Variants in SLC30A7 observed in about 807,000 individuals in gnomAD.
The protein encoded by SLC30A7 is solute carrier family 30 member 7.
A neutral mutation model predicts 46.0 loss-of-function variants in SLC30A7; 35 were observed. The observed-to-expected ratio is 0.76, with a 90% CI of 0.58 to 1.01. The LOEUF is 1.01. SLC30A7 is among the 50% of genes least tolerant of loss of function. The pLI is 0.00. For missense variants in SLC30A7, 464 were observed against 451.1 expected, an observed-to-expected ratio of 1.03 and a Z score of -0.26; for synonymous variants, 147 against 157.8, an observed-to-expected ratio of 0.93 and a Z score of 0.51.
At chr1:100,949,870 A>G (rs956054591) in intron 8 of SLC30A7, among the ~76,000 whole-genome samples, 7 of 152,212 alleles carry the variant, frequency 4.6e-5, no homozygotes, top group African/African-American at 1.7e-4. Context: ...CCATGGGAAA[A>G]GTGCAGTATG....
chr1:100,966,637 G>A (rs1655894374), intron 10 of SLC30A7, among the ~76,000 whole-genome samples: 1 of 152,078 alleles, frequency 6.6e-6, no homozygotes, highest in Admixed American at 6.6e-5. Flanking sequence ...ACAGAGTCAA[G>A]TTTGGGAAAT....
intron 8 of SLC30A7, among the ~76,000 whole-genome samples, chr1:100,959,461 G>A (rs915860480): frequency 1.3e-5 from 2 of 152,170 alleles, no homozygotes; most frequent in Admixed American, 6.5e-5. Context: ...GGTAGCAGCC[G>A]GGGCTGCAGT....
downstream of SLC30A7, among the ~76,000 whole-genome samples, chr1:100,983,385 A>C (rs1171840782): frequency 1.3e-4 from 19 of 145,760 alleles, no homozygotes; most frequent in Non-Finnish European, 2.8e-4. Context: ...CAAAAAAAAA[A>C]AAAAACAAAA....
chr1:100,984,880 G>A (rs1034834139), downstream of SLC30A7, among the ~76,000 whole-genome samples: 1 of 152,100 alleles, frequency 6.6e-6, no homozygotes, highest in Admixed American at 6.6e-5. Flanking sequence ...ATGCTCAAGC[G>A]AGCAATACAA....
chr1:100,910,953 C>G, intron 3 of SLC30A7, 110 bp from the exon 4 acceptor site: 1 of 778,474 alleles, frequency 1.3e-6, no homozygotes, highest in Non-Finnish European at 2.1e-6. Context: ...GCTTCGCTGG[C>G]CACTTATAAC....
At chr1:100,914,331 C>G (rs1023613064) in intron 6 of SLC30A7, among the ~76,000 whole-genome samples, 1 of 152,162 alleles carries the variant, frequency 6.6e-6, no homozygotes, top group Non-Finnish European at 1.5e-5. Context: ...TTAACCGTCC[C>G]CCTTTCCCTC....
At position 100,896,229 on chromosome 1, in the gene SLC30A7, G is replaced by A; in HGVS notation, c.-34G>A. ...TCACCCCACGGAGCCACTTCTAGAG[G>A]GGAGTAGACCCGGCCCTTCGCCGGG... is the stretch of plus-strand genomic sequence containing the variant. On this transcript the variant is annotated 5_prime_UTR_variant, in exon 1 of 11. Coordinates refer to ENST00000357650, the MANE Select transcript of SLC30A7 (RefSeq NM_133496.5). The A allele has an allele frequency of 6.2e-7, 1 of 1,604,456 alleles. No individual in the cohort carries two copies. The highest frequency in any genetic ancestry group is 1.7e-5 in the Admixed American group (1 of 60,016).
At chr1:100,987,986 G>A in the SLC30A7 span, among the ~76,000 whole-genome samples, 6 of 152,160 alleles carry the variant, frequency 3.9e-5, no homozygotes, top group Non-Finnish European at 7.3e-5. Flanking sequence ...ATTCAAACTT[G>A]AAACTGTGTC....
At chr1:100,943,399 G>C (rs1391604850) in intron 8 of SLC30A7, among the ~76,000 whole-genome samples, 1 of 151,034 alleles carries the variant, frequency 6.6e-6, no homozygotes, top group South Asian at 2.1e-4. Context: ...GTCATTTCTA[G>C]GTGAGCCACA....
intron 5 of SLC30A7, 68 bp from the exon 6 acceptor site, chr1:100,913,595 C>A: frequency 1.8e-6 from 2 of 1,114,064 alleles, no homozygotes; most frequent in South Asian, 1.4e-5. Context: ...GCGCTAGTGT[C>A]AGTATAATTG....
At chr1:100,936,333 C>T (rs948836289) in intron 8 of SLC30A7, among the ~76,000 whole-genome samples, 2 of 152,248 alleles carry the variant, frequency 1.3e-5, no homozygotes, top group African/African-American at 4.8e-5. Flanking sequence ...CTATTCTAAA[C>T]ATCTTTCAGA....
At chr1:100,988,562 G>T in the SLC30A7 span, among the ~76,000 whole-genome samples, 1 of 152,128 alleles carries the variant, frequency 6.6e-6, no homozygotes, top group African/African-American at 2.4e-5. Flanking sequence ...GATTGAAAAT[G>T]AGGCCAGGCA....
intron 10 of SLC30A7, among the ~76,000 whole-genome samples, chr1:100,974,075 G>C (rs1656317649): frequency 6.6e-6 from 1 of 152,128 alleles, no homozygotes; most frequent in Non-Finnish European, 1.5e-5. Flanking sequence ...GTAGGGTTAA[G>C]TAAAGATTTT....
At chr1:100,939,600 G>T (rs144952946) in intron 8 of SLC30A7, among the ~76,000 whole-genome samples, 18,293 of 151,784 alleles carry the variant, frequency 0.12, 1,328 homozygotes, top group Non-Finnish European at 0.17. Context: ...ACTTTGGGAG[G>T]CCAGGGTGGG....
intron 8 of SLC30A7, among the ~76,000 whole-genome samples, chr1:100,943,861 T>C (rs1654481915): frequency 6.6e-6 from 1 of 152,214 alleles, no homozygotes; most frequent in Non-Finnish European, 1.5e-5. Flanking sequence ...GCACATGATA[T>C]ATAGGTTTAT....
At chr1:100,944,070 G>A (rs970045934) in intron 8 of SLC30A7, among the ~76,000 whole-genome samples, 13 of 151,998 alleles carry the variant, frequency 8.6e-5, no homozygotes, top group Non-Finnish European at 1.5e-4. Flanking sequence ...ATATTTTTTC[G>A]AGACAGGGTC....
At chr1:100,921,944 T>C (rs2101032557) in intron 8 of SLC30A7, 103 bp downstream of exon 8, 1 of 1,032,806 alleles carries the variant, frequency 9.7e-7, no homozygotes, top group Admixed American at 3.0e-5. Context: ...GGTTTTCCTT[T>C]GCTTGCTTTT....
chr1:100,928,784 G>A (rs541026186), intron 8 of SLC30A7, among the ~76,000 whole-genome samples: 1 of 152,176 alleles, frequency 6.6e-6, no homozygotes, highest in East Asian at 1.9e-4. Context: ...ACCACTGTTA[G>A]CAGTATTTCT....
At chr1:100,915,304 A>G (rs566368127) in intron 6 of SLC30A7, among the ~76,000 whole-genome samples, 1 of 145,244 alleles carries the variant, frequency 6.9e-6, no homozygotes, top group East Asian at 2.0e-4. Flanking sequence ...TTAACATAAG[A>G]TCTACACTCT....
Sources: allele counts gnomAD v4.1 joint callset (sites outside exome capture counted in the v4.1 genomes callset), GRCh38; gene constraint gnomAD v4.1.1; transcripts MANE v1.5; gene names NCBI Gene and HGNC (gene_info 2026-07-23, HGNC 2026-07-21).